Variants in LMO7 observed in about 807,000 individuals in gnomAD.
The protein encoded by LMO7 is LIM domain 7.
LMO7 carries 120 observed loss-of-function variants against 206.5 expected under a neutral mutation model. That is an observed-to-expected ratio of 0.58 (90% confidence interval 0.50 to 0.68). The LOEUF is 0.68. Among genes scored for constraint, LMO7 ranks in the 30% least tolerant of loss-of-function variants. The pLI, the probability that LMO7 is intolerant of heterozygous loss-of-function variation, is 0.00. For synonymous variants in LMO7, 706 were observed against 681.5 expected (o/e 1.04, Z -0.56); for missense variants, 1,959 against 1,957.9 (o/e 1.00, Z -0.01).
In LMO7 at chr13:75,806,300, GCCTCAGA is replaced by G. The variant is rs1368423061; in HGVS notation, c.1196+542_1196+548del. The G allele has an allele frequency of 8.4e-6, 8 of 957,822 alleles. No homozygotes were observed. The East Asian group carries it at 8.0e-4, about 96-fold the overall frequency. 59.3% of individuals were successfully genotyped at this position (957,822 alleles called of 1,614,324 possible). ...CATGAGCCTGCCTGCTGCGGGTCTG[GCCTCAGA>G]CAACCCTCTGCCTGCTTCTGCTGCT... On this transcript the variant is annotated intron_variant, in intron 9 of 30. Coordinates refer to ENST00000377534, the MANE Select transcript of LMO7 (RefSeq NM_001306080.2).
Position 75,835,224 on chromosome 13 carries a change from A to G in LMO7, c.3227-9A>G, listed in dbSNP as rs1002121417. ...CTCAATCTCACCAGTATGGCTACCA[A>G]AATTATAGGTTCACCTGAAACAAAG... On this transcript the variant is annotated splice_polypyrimidine_tract_variant and intron_variant, in intron 17 of 30. Coordinates refer to ENST00000377534, the MANE Select transcript of LMO7 (RefSeq NM_001306080.2). 6.2e-7 allele frequency: 1 copy of G among 1,612,360 alleles called. No homozygotes were observed. Among genetic ancestry groups the G allele is most frequent in the East Asian group, 2.2e-5 (1 of 44,788 alleles).
In LMO7 at chr13:75,853,254, C is replaced by T; in HGVS notation, c.4527C>T (p.Asn1509=). The T allele has an allele frequency of 6.2e-7, 1 of 1,614,118 alleles. No homozygotes were observed. Among genetic ancestry groups the T allele is most frequent in the African/African-American group, 1.3e-5 (1 of 75,036 alleles). ...VSTSNRAYMR[N]PSSSVPPPSA... The stretch of plus-strand genomic sequence containing the variant: ...CATCAAACCGTGCCTACATGCGGAA[C>T]CCCTCCTCCAGCGTGCCCCCACCTT... The change falls in exon 28 of 31, where the codon AAC becomes AAT. Residue 1509 remains asparagine (N), a synonymous_variant. Coordinates refer to ENST00000377534, the MANE Select transcript of LMO7 (RefSeq NM_001306080.2).
chr13:75,726,292 A>T (rs1031689918), intron 2 of LMO7, among the ~76,000 whole-genome samples: 2 of 152,044 alleles, frequency 1.3e-5, no homozygotes, highest in African/African-American at 4.8e-5. Context: ...TAGATTTAGA[A>T]GCAAAATCGT....
At chr13:75,741,118 G>T (rs1179678116) in intron 3 of LMO7, among the ~76,000 whole-genome samples, 1 of 152,044 alleles carries the variant, frequency 6.6e-6, no homozygotes, top group Non-Finnish European at 1.5e-5. Flanking sequence ...CTAAATTGTG[G>T]TTCTTTATTA....
At chr13:75,710,810 C>T (rs2043043355) in intron 1 of LMO7, among the ~76,000 whole-genome samples, 1 of 151,984 alleles carries the variant, frequency 6.6e-6, no homozygotes, top group Non-Finnish European at 1.5e-5. Flanking sequence ...TGCCTGATTG[C>T]CCTGGCCAGA....
chr13:75,649,234 G>A (rs1169260079), intron 1 of LMO7, among the ~76,000 whole-genome samples: 5 of 152,154 alleles, frequency 3.3e-5, no homozygotes, highest in Non-Finnish European at 7.4e-5. Context: ...GTTAGAATCT[G>A]TTTTACAGAA....
chr13:75,660,487 T>C (rs191576311), intron 1 of LMO7, among the ~76,000 whole-genome samples: 2 of 152,342 alleles, frequency 1.3e-5, no homozygotes, highest in Non-Finnish European at 2.9e-5. Flanking sequence ...CTTTAAATCC[T>C]CCTTCTTGTT....
At chr13:75,806,069 C>T in intron 9 of LMO7, 1 of 1,115,748 alleles carries the variant, frequency 9.0e-7, no homozygotes, top group Non-Finnish European at 1.1e-6. Flanking sequence ...AGAAGGAATT[C>T]AGACTCTGAG....
chr13:75,683,599 G>C (rs1383178473), intron 1 of LMO7, among the ~76,000 whole-genome samples: 1 of 152,190 alleles, frequency 6.6e-6, no homozygotes, highest in African/African-American at 2.4e-5. Flanking sequence ...GCAATATGAA[G>C]TGTGAACCCA....
Position 75,807,646 on chromosome 13 carries a change from G to A in LMO7, c.1363G>A (p.Asp455Asn). Residue 455 changes from aspartate to asparagine, a missense_variant, in exon 10 of 31, where the codon GAT becomes AAT. Transcript: ENST00000377534. ...AGATGACCTCGAGATGGCAGCCCTG[G>A]ATCCTGACTTAGAGAATGATGATTT... ...RRDDLEMAAL[D>N]PDLENDDFFV... 1 of 1,613,974 alleles carries A rather than the reference G, an allele frequency of 6.2e-7. No individual in the cohort carries two copies. Among genetic ancestry groups the A allele is most frequent in the Non-Finnish European group, 8.5e-7 (1 of 1,179,884 alleles).
chr13:75,836,955 C>T (rs1268215646), intron 19 of LMO7, among the ~76,000 whole-genome samples: 2 of 152,158 alleles, frequency 1.3e-5, no homozygotes, highest in South Asian at 2.1e-4. Flanking sequence ...GAGTTATCTC[C>T]ATCTTTCTTC....
At chr13:75,833,665 ATTACAAG>A in intron 16 of LMO7, among the ~76,000 whole-genome samples, 1 of 152,136 alleles carries the variant, frequency 6.6e-6, no homozygotes, top group Non-Finnish European at 1.5e-5. Flanking sequence ...TTTGCAAAAC[ATTACAAG>A]GCCTAAAATT....
chr13:75,794,552 G>A (rs1328072578), intron 4 of LMO7, among the ~76,000 whole-genome samples: 2 of 152,116 alleles, frequency 1.3e-5, no homozygotes, highest in Non-Finnish European at 2.9e-5. Flanking sequence ...TTATCTTAAA[G>A]TATACTACTG....
Position 75,823,635 on chromosome 13 carries a change from C to A in LMO7, c.2711C>A (p.Thr904Asn). ...IKRTPNNVVS[T>N]PAPSPDASQL... ...AGAACTCCAAACAATGTGGTCAGCA[C>A]CCCTGCACCAAGCCCGGACGCAAGC... Residue 904 changes from threonine to asparagine, a missense_variant, in exon 15 of 31, where the codon ACC becomes AAC. Physicochemically the swap from Thr to Asn is moderately conservative, Grantham distance 65 (BLOSUM62 0). Transcript: ENST00000377534. 1 of 1,614,094 alleles carries A rather than the reference C, an allele frequency of 6.2e-7. No individual in the cohort carries two copies. Among genetic ancestry groups the A allele is most frequent in the Non-Finnish European group, 8.5e-7 (1 of 1,179,956 alleles).
intron 1 of LMO7, among the ~76,000 whole-genome samples, chr13:75,712,168 G>T (rs1476854630): frequency 6.6e-6 from 1 of 152,212 alleles, no homozygotes; most frequent in Admixed American, 6.5e-5. Context: ...GGTGGTAAAG[G>T]TCCCTTCGTT....
intron 4 of LMO7, among the ~76,000 whole-genome samples, chr13:75,780,242 A>G (rs2140288702): frequency 6.6e-6 from 1 of 152,270 alleles, no homozygotes; most frequent in South Asian, 2.1e-4. Context: ...GCCAGGCTGG[A>G]ATTTCCCAAT....
intron 14 of LMO7, among the ~76,000 whole-genome samples, 153 bp downstream of exon 14, chr13:75,821,762 C>T (rs2057594317): frequency 6.6e-6 from 1 of 152,148 alleles, no homozygotes; most frequent in African/African-American, 2.4e-5. Context: ...GCAATGGAAA[C>T]TTAATGCTTA....
chr13:75,702,969 C>G lies in LMO7; in HGVS notation c.70-10213C>G, dbSNP rs76475864. Among the ~76,000 whole-genome samples the G allele has an allele frequency of 9.5e-3, 1,444 of 152,290 alleles. 24 individuals are homozygous for G. The highest frequency in any genetic ancestry group is 0.057 in the East Asian group (294 of 5,192). The stretch of plus-strand genomic sequence containing the variant: ...TTTCAACTTTGAAGGTTTCATCCAA[C>G]CATATAGTCTTTCAAAAAGTATCAC... On this transcript the variant is annotated intron_variant, in intron 1 of 30. Coordinates refer to ENST00000377534, the MANE Select transcript of LMO7 (RefSeq NM_001306080.2).
chr13:75,753,896 G>A (rs1336827023), intron 3 of LMO7, among the ~76,000 whole-genome samples: 4 of 152,010 alleles, frequency 2.6e-5, no homozygotes, highest in African/African-American at 9.7e-5. Context: ...CATTAAAGAA[G>A]GCATCTTTAA....
Sources: allele counts gnomAD v4.1 joint callset (sites outside exome capture counted in the v4.1 genomes callset), GRCh38; gene constraint gnomAD v4.1.1; transcripts MANE v1.5; gene names NCBI Gene and HGNC (gene_info 2026-07-23, HGNC 2026-07-21).